SLC25A37: variants seen among roughly 807,000 people sequenced by gnomAD.
SLC25A37 encodes the protein solute carrier family 25 member 37.
Under a neutral mutation model 31.0 loss-of-function variants are expected in SLC25A37, and 17 were observed. The ratio of observed to expected loss-of-function variants is 0.55; its 90% confidence interval spans 0.38 to 0.82. The LOEUF is 0.82. SLC25A37 is among the 40% of genes least tolerant of loss of function. The pLI, the probability that SLC25A37 is intolerant of heterozygous loss-of-function variation, is 0.00. For missense variants in SLC25A37, 404 were observed against 465.8 expected (o/e 0.87, Z 1.22); for synonymous variants, 222 against 193.0 (o/e 1.15, Z -1.24).
Position 23,572,114 on chromosome 8 carries a change from A to G in SLC25A37, c.*259A>G, listed in dbSNP as rs544409117. On this transcript the variant is annotated 3_prime_UTR_variant, in exon 4 of 4. Transcript: ENST00000519973. Reference sequence around the variant, plus strand: ...CTTTTTCTCTTCCTCCCTGGGCAGAATGTAGCTTTTCTGCTTCACTGTGGC... The same window carrying G: ...CTTTTTCTCTTCCTCCCTGGGCAGAGTGTAGCTTTTCTGCTTCACTGTGGC... 8.0e-5 allele frequency: 29 copies of G among 360,868 alleles called. No homozygotes were observed. Among genetic ancestry groups the G allele is most frequent in the Middle Eastern group, 7.9e-4 (1 of 1,262 alleles). The allele number at this position is 360,868 out of a possible 1,614,324, so 22.4% of individuals were successfully genotyped here. A position where few individuals can be genotyped will look rare whatever the true frequency, so the allele number is the denominator to read the frequency against.
rs1222962675 is a variant in SLC25A37 at position 23,572,624 on chromosome 8, T to G, written c.*769T>G. The G allele has an allele frequency of 6.6e-6, 1 of 152,012 alleles. No individual in the cohort carries two copies. Among genetic ancestry groups the G allele is most frequent in the Non-Finnish European group, 1.5e-5 (1 of 67,944 alleles). The allele number at this position is 152,012 out of a possible 1,614,324, so 9.4% of individuals were successfully genotyped here. A position where few individuals can be genotyped will look rare whatever the true frequency, so the allele number is the denominator to read the frequency against. ...TGATATGTCACTTGCAGCTACCTTT[T>G]TTTTTCTTTTAAATTCAATCAGCCA... On this transcript the variant is annotated 3_prime_UTR_variant, in exon 4 of 4. Coordinates refer to ENST00000519973, the MANE Select transcript of SLC25A37 (RefSeq NM_016612.4).
In SLC25A37 at chr8:23,529,285, C is replaced by T. The variant is rs1801612784; in HGVS notation, c.210+73C>T. 2.1e-6 allele frequency: 3 copies of T among 1,437,308 alleles called. No homozygotes were observed. The highest frequency in any genetic ancestry group is 1.3e-5 in the South Asian group (1 of 76,522). 89.0% of individuals were successfully genotyped at this position (1,437,308 alleles called of 1,614,324 possible). On this transcript the variant is annotated intron_variant, in intron 1 of 3. Coordinates refer to ENST00000519973, the MANE Select transcript of SLC25A37 (RefSeq NM_016612.4). The surrounding 1 kb of genome is among the most constrained non-coding windows in gnomAD (Gnocchi z 4.1). ...CGCGCGCGCATTTGCATCCCGCGCG[C>T]CGGCAGCCTCGGGGCAGCGTCCCGA...
chr8:23,551,015 A>G (rs970986432), intron 1 of SLC25A37, among the ~76,000 whole-genome samples: 1 of 152,180 alleles, frequency 6.6e-6, no homozygotes, highest in African/African-American at 2.4e-5. Flanking sequence ...TTTCCATAGT[A>G]TGAACTTGGC....
rs1390729606 is a variant in SLC25A37 at position 23,572,032 on chromosome 8, G to A, written c.*177G>A. Reference sequence around the variant, plus strand: ...GGCCGCTCACCGGAAGGCTGTGTGCGGGGACATCCGAGGTGGTGGTGGACA... The same window carrying A: ...GGCCGCTCACCGGAAGGCTGTGTGCAGGGACATCCGAGGTGGTGGTGGACA... On this transcript the variant is annotated 3_prime_UTR_variant, in exon 4 of 4. Transcript: ENST00000519973. 8 of 688,784 alleles carry A rather than the reference G, an allele frequency of 1.2e-5. No individual in the cohort carries two copies. The highest frequency in any genetic ancestry group is 2.1e-5 in the South Asian group (1 of 48,458). 42.7% of individuals were successfully genotyped at this position (688,784 alleles called of 1,614,324 possible). A position where few individuals can be genotyped will look rare whatever the true frequency, so the allele number is the denominator to read the frequency against.
At chr8:23,562,289 A>T (rs2117445480) in intron 1 of SLC25A37, among the ~76,000 whole-genome samples, 1 of 152,344 alleles carries the variant, frequency 6.6e-6, no homozygotes, top group Non-Finnish European at 1.5e-5. Context: ...GGTTCTGCAG[A>T]TCACACCCAG....
intron 1 of SLC25A37, among the ~76,000 whole-genome samples, chr8:23,560,931 A>C (rs2942202): frequency 0.53 from 80,368 of 151,920 alleles, 21,848 homozygotes; most frequent in African/African-American, 0.62. Context: ...AAATAAAAGA[A>C]GGAAGGGTAG....
chr8:23,556,038 C>T (rs1802354879), intron 1 of SLC25A37, among the ~76,000 whole-genome samples: 1 of 152,104 alleles, frequency 6.6e-6, no homozygotes, highest in African/African-American at 2.4e-5. Context: ...TAGTTTTCAC[C>T]AGAGACTTTT....
At chr8:23,548,249 G>A (rs1403276079) in intron 1 of SLC25A37, among the ~76,000 whole-genome samples, 1 of 152,118 alleles carries the variant, frequency 6.6e-6, no homozygotes, top group Non-Finnish European at 1.5e-5. Context: ...CGCGATCTCG[G>A]TTCACTGCAA....
At chr8:23,534,835 G>A (rs1175201311) in intron 1 of SLC25A37, among the ~76,000 whole-genome samples, 3 of 152,178 alleles carry the variant, frequency 2.0e-5, no homozygotes, top group African/African-American at 7.2e-5. Flanking sequence ...ACTCTCTGAT[G>A]TCTGCTCTCA....
chr8:23,571,210 GT>G, intron 3 of SLC25A37, 124 bp from the exon 4 acceptor site: 2 of 1,198,698 alleles, frequency 1.7e-6, no homozygotes, highest in South Asian at 1.6e-5. Context: ...GCTCTCGCCT[GT>G]TTCCGGTGTC....
chr8:23,568,458 G>T (rs1802727155), intron 3 of SLC25A37, 80 bp downstream of exon 3: 14 of 1,530,790 alleles, frequency 9.1e-6, no homozygotes, highest in Non-Finnish European at 1.3e-5. Flanking sequence ...GAGTGGAGAG[G>T]ACTGAAGGTG....
intron 1 of SLC25A37, among the ~76,000 whole-genome samples, chr8:23,546,582 A>AT (rs535899734): frequency 1.8e-5 from 1 of 56,044 alleles, no homozygotes; most frequent in Non-Finnish European, 2.9e-5. Context: ...ATATATATAT[A>AT]GTGTATATAT....
In SLC25A37 at chr8:23,528,973, G is replaced by T; in HGVS notation, c.-30G>T. The T allele has an allele frequency of 6.9e-7, 1 of 1,447,974 alleles. No homozygotes were observed. The highest frequency in any genetic ancestry group is 9.1e-7 in the Non-Finnish European group (1 of 1,098,442). 89.7% of individuals were successfully genotyped at this position (1,447,974 alleles called of 1,614,324 possible). A position where few individuals can be genotyped will look rare whatever the true frequency, so the allele number is the denominator to read the frequency against. ...CCCTCCCCCTCCCTGCCCACCTCCT[G>T]CAGCCTCCTGCGCCCCGCCGAGCTG... is the stretch of plus-strand genomic sequence containing the variant. On this transcript the variant is annotated 5_prime_UTR_variant, in exon 1 of 4. Transcript: ENST00000519973.
At position 23,550,615 on chromosome 8, in the gene SLC25A37, T is replaced by C. The variant is rs189968153; in HGVS notation, c.211-15493T>C. Reference sequence around the variant, plus strand: ...GTGCCTGGCTCCCTGGCCTGTCCAGTGTGGACAGCTTACGCGCAGCTAGGT... The same window carrying C: ...GTGCCTGGCTCCCTGGCCTGTCCAGCGTGGACAGCTTACGCGCAGCTAGGT... On this transcript the variant is annotated intron_variant, in intron 1 of 3. Transcript: ENST00000519973. Among the ~76,000 whole-genome samples the C allele has an allele frequency of 1.4e-3, 206 of 152,244 alleles. 2 individuals carry two copies. Among genetic ancestry groups the C allele is most frequent in the African/African-American group, 4.3e-3 (177 of 41,550 alleles).
chr8:23,558,510 T>C (rs1212218935), intron 1 of SLC25A37, among the ~76,000 whole-genome samples: 2 of 152,172 alleles, frequency 1.3e-5, no homozygotes, highest in African/African-American at 4.8e-5. Context: ...GGACAGAACG[T>C]GCATTTTCCA....
chr8:23,571,583 G>A lies in SLC25A37; in HGVS notation c.745G>A (p.Ala249Thr), dbSNP rs748500259. 5 of 1,613,590 alleles carry A rather than the reference G, an allele frequency of 3.1e-6. No homozygotes were observed. The highest frequency in any genetic ancestry group is 3.4e-6 in the Non-Finnish European group (4 of 1,179,792). The change falls in exon 4 of 4, where the codon GCG becomes ACG. Residue 249 changes from alanine to threonine, a missense_variant. Physicochemically the swap from Ala to Thr is moderately conservative, Grantham distance 58. Around this residue, in one of 3 missense-constraint regions of SLC25A37, gnomAD observed 243 missense variants for 284.4 expected, o/e 0.85. Transcript: ENST00000519973. ...ISGGLAGALA[A>T]AATTPLDVCK... ...AGGCGGGCTGGCCGGGGCCCTCGCC[G>A]CGGCCGCCACGACCCCCCTGGACGT...
chr8:23,556,230 A>ATTTTTT (rs10687321), intron 1 of SLC25A37, among the ~76,000 whole-genome samples: 1 of 139,950 alleles, frequency 7.1e-6, no homozygotes, highest in South Asian at 2.3e-4. Context: ...AAGAGCACCA[A>ATTTTTT]TTTTTTTTTT....
At chr8:23,543,048 C>T (rs1801939164) in intron 1 of SLC25A37, 1 of 150,150 alleles carries the variant, frequency 6.7e-6, no homozygotes, top group African/African-American at 2.5e-5. Flanking sequence ...TTACAGTAAG[C>T]TAAATGTAAC....
Position 23,529,026 on chromosome 8 carries a change from G to A in SLC25A37, c.24G>A (p.Val8=). Reference sequence around the variant, plus strand: ...GGATGGAGCTGCGCAGCGGGAGCGTGGGCAGCCAGGCGGTGGCGCGGAGGA... The same window carrying A: ...GGATGGAGCTGCGCAGCGGGAGCGTAGGCAGCCAGGCGGTGGCGCGGAGGA... The part of the protein sequence containing the change: MELRSGS[V]GSQAVARRMD... Residue 8 remains valine, a synonymous_variant, in exon 1 of 4, where the codon GTG becomes GTA. Coordinates refer to ENST00000519973, the MANE Select transcript of SLC25A37 (RefSeq NM_016612.4). The surrounding 1 kb of genome is among the most constrained non-coding windows in gnomAD (Gnocchi z 4.1). 1 of 1,541,850 alleles carries A rather than the reference G, an allele frequency of 6.5e-7. No individual in the cohort carries two copies. Among genetic ancestry groups the A allele is most frequent in the Admixed American group, 2.0e-5 (1 of 50,100 alleles).
Sources: allele counts gnomAD v4.1 joint callset (sites outside exome capture counted in the v4.1 genomes callset), GRCh38; gene constraint gnomAD v4.1.1; regional missense constraint gnomAD v4.1.1; non-coding constraint Gnocchi (gnomAD v3.1); transcripts MANE v1.5; gene names NCBI Gene and HGNC (gene_info 2026-07-23, HGNC 2026-07-21).